FAM162B: variants seen among roughly 807,000 people sequenced by gnomAD.
The protein encoded by FAM162B is protein FAM162B.
In FAM162B, 16 loss-of-function variants were observed where a neutral mutation model predicts 20.0. That is an observed-to-expected ratio of 0.80 (90% CI 0.54 to 1.21). FAM162B has a LOEUF of 1.21. Ranked by LOEUF, FAM162B falls within the 50% of genes most tolerant of loss-of-function variation. FAM162B has a pLI of 0.00. For synonymous variants in FAM162B, 83 were observed against 89.7 expected (o/e 0.93, Z 0.42); for missense variants, 260 against 227.5 (o/e 1.14, Z -0.92).
intron 3 of FAM162B, among the ~76,000 whole-genome samples, chr6:116,755,039 A>G (rs187984814): frequency 6.6e-6 from 1 of 152,266 alleles, no homozygotes; most frequent in African/African-American, 2.4e-5. Flanking sequence ...AGATGCAACA[A>G]TATTGAAATT....
In FAM162B at chr6:116,765,316, C is replaced by A. The variant is rs563044922; in HGVS notation, c.173-61G>T. 1.3e-4 allele frequency: 203 copies of A among 1,573,260 alleles called. 1 individual carries two copies. In the South Asian group the frequency reaches 2.2e-3, roughly 17 times the overall value. On this transcript the variant is annotated intron_variant, in intron 1 of 3. Transcript: ENST00000368557. ...GACGCACCGGCACAGAGGATCAGCG[C>A]GCCCTCAAGCCGACTCCCGGGCCGG...
chr6:116,762,005 C>G lies in FAM162B; in HGVS notation c.362G>C (p.Cys121Ser), dbSNP rs1250416299. ...TTTGGCTGACACTATCACAGCAAAG[C>G]AGGCGATAATTGTGAGTCCAATCAT... ...YIMIGLTIIACFAVIVSAKRA... is the reference protein window; with the variant it reads ...YIMIGLTIIASFAVIVSAKRA... The change falls in exon 3 of 4, where the codon TGC becomes TCC. Residue 121 changes from cysteine (C) to serine (S), a missense_variant. Transcript: ENST00000368557. 5 of 1,602,076 alleles carry G rather than the reference C, an allele frequency of 3.1e-6. No individual in the cohort carries two copies. The South Asian group carries it at 5.6e-5, about 18-fold the overall frequency.
chr6:116,765,328 G>A, intron 1 of FAM162B, 73 bp from the exon 2 acceptor site: 1 of 1,558,066 alleles, frequency 6.4e-7, no homozygotes, highest in Non-Finnish European at 8.7e-7. Flanking sequence ...CCCTCAAGCC[G>A]ACTCCCGGGC....
chr6:116,759,564 C>T (rs1457061330), intron 3 of FAM162B, among the ~76,000 whole-genome samples: 2 of 152,192 alleles, frequency 1.3e-5, no homozygotes, highest in East Asian at 3.9e-4. Context: ...GCCTCGGCCT[C>T]CCAAAGTGCT....
intron 3 of FAM162B, among the ~76,000 whole-genome samples, chr6:116,758,591 A>G (rs1294127699): frequency 6.6e-6 from 1 of 152,120 alleles, no homozygotes; most frequent in East Asian, 1.9e-4. Context: ...AAATTTATCT[A>G]TCTTTTCTGT....
intron 2 of FAM162B, among the ~76,000 whole-genome samples, chr6:116,764,893 G>A (rs74802388): frequency 0.014 from 2,205 of 152,310 alleles, 63 homozygotes; most frequent in African/African-American, 0.05. Flanking sequence ...TCTGGGCGGT[G>A]CTGGAAGTGT....
chr6:116,765,199 G>A lies in FAM162B; in HGVS notation c.229C>T (p.Leu77=), dbSNP rs1031144647. The change falls in exon 2 of 4, where the codon CTG becomes TTG. Residue 77 remains leucine (L), a synonymous_variant. Coordinates refer to ENST00000368557, the MANE Select transcript of FAM162B (RefSeq NM_001085480.3). ...GATTTGAAACGCCCTGTCCACAGCA[G>A]GATTTTCTTGTCGAACTGCGAAGGC... ...RRPSQFDKKI[L]LWTGRFKSME... 4 of 1,613,836 alleles carry A rather than the reference G, an allele frequency of 2.5e-6. No individual in the cohort carries two copies. The African/African-American group carries it at 5.3e-5, about 22-fold the overall frequency.
chr6:116,762,800 A>G (rs1162911556), intron 2 of FAM162B, among the ~76,000 whole-genome samples: 2 of 152,182 alleles, frequency 1.3e-5, no homozygotes, highest in Non-Finnish European at 2.9e-5. Flanking sequence ...TAATAATACT[A>G]CTTACAAAGT....
At position 116,756,640 on chromosome 6, in the gene FAM162B, T is replaced by C. The variant is rs182015423; in HGVS notation, c.391-3945A>G. On this transcript the variant is annotated intron_variant, in intron 3 of 3. Transcript: ENST00000368557. ...TTGCCTGCTACATGGAAATCTTTCA[T>C]GAAAGAAAGAGTCAACTGATATGGC... is the stretch of plus-strand genomic sequence containing the variant. Among the ~76,000 whole-genome samples the C allele has an allele frequency of 1.4e-3, 213 of 152,330 alleles. 1 individual carries two copies. Among genetic ancestry groups the C allele is most frequent in the African/African-American group, 4.5e-3 (189 of 41,576 alleles).
chr6:116,754,537 C>A (rs1447476645), intron 3 of FAM162B, among the ~76,000 whole-genome samples: 1 of 152,114 alleles, frequency 6.6e-6, no homozygotes, highest in African/African-American at 2.4e-5. Context: ...AAATTGCTAA[C>A]ATTTAATAGA....
chr6:116,754,665 C>CA (rs1389095335), intron 3 of FAM162B, among the ~76,000 whole-genome samples: 2 of 150,552 alleles, frequency 1.3e-5, no homozygotes, highest in Non-Finnish European at 3.0e-5. Context: ...TTGTGCTTTG[C>CA]TTTATTGTGA....
At chr6:116,758,292 G>C (rs924386620) in intron 3 of FAM162B, among the ~76,000 whole-genome samples, 1 of 152,178 alleles carries the variant, frequency 6.6e-6, no homozygotes, top group African/African-American at 2.4e-5. Flanking sequence ...GAGGACTGTG[G>C]AGGTGTAAGG....
chr6:116,752,675 G>C lies in FAM162B; in HGVS notation c.411C>G (p.Ser137=). 6.4e-7 allele frequency: 1 copy of C among 1,571,250 alleles called. No individual in the cohort carries two copies. Among genetic ancestry groups the C allele is most frequent in the Non-Finnish European group, 8.6e-7 (1 of 1,157,108 alleles). Residue 137 remains serine (S), a synonymous_variant, in exon 4 of 4, where the codon TCC becomes TCG. Coordinates refer to ENST00000368557, the MANE Select transcript of FAM162B (RefSeq NM_001085480.3). The stretch of plus-strand genomic sequence containing the variant: ...TCTTTGCCAAGTTCCAACTTGTTAA[G>C]GATTCATGTCGTTCTACAGCCTGTG... ...SAKRAVERHE[S]LTSWNLAKKA...
intron 1 of FAM162B, 73 bp downstream of exon 1, chr6:116,765,332 C>T (rs932796665): frequency 6.5e-7 from 1 of 1,546,720 alleles, no homozygotes; most frequent in Non-Finnish European, 8.7e-7. Context: ...CAAGCCGACT[C>T]CCGGGCCGGC....
intron 3 of FAM162B, among the ~76,000 whole-genome samples, chr6:116,758,566 A>T (rs1780079836): frequency 6.6e-6 from 1 of 152,134 alleles, no homozygotes; most frequent in African/African-American, 2.4e-5. Context: ...GCAGAATTTT[A>T]AACTTTATAT....
At chr6:116,764,182 C>T (rs962905870) in intron 2 of FAM162B, among the ~76,000 whole-genome samples, 9 of 152,124 alleles carry the variant, frequency 5.9e-5, no homozygotes, top group African/African-American at 1.9e-4. Context: ...TGGCAGGCAC[C>T]ATGTGAAAAA....
chr6:116,760,655 AG>A (rs1780129706), intron 3 of FAM162B, among the ~76,000 whole-genome samples: 1 of 152,238 alleles, frequency 6.6e-6, no homozygotes, highest in Non-Finnish European at 1.5e-5. Flanking sequence ...ATTTAACGTT[AG>A]GTTAAAAACA....
chr6:116,756,578 A>G (rs1780054536), intron 3 of FAM162B, among the ~76,000 whole-genome samples: 1 of 152,212 alleles, frequency 6.6e-6, no homozygotes, highest in South Asian at 2.1e-4. Context: ...CAATTTTGAA[A>G]GAAGTTCTAC....
intron 3 of FAM162B, among the ~76,000 whole-genome samples, 188 bp from the exon 4 acceptor site, chr6:116,752,883 C>T (rs1420023862): frequency 6.6e-6 from 1 of 151,478 alleles, no homozygotes; most frequent in Non-Finnish European, 1.5e-5. Context: ...GAAGAGAGAA[C>T]AGACTGAATG....
Sources: allele counts gnomAD v4.1 joint callset (sites outside exome capture counted in the v4.1 genomes callset), GRCh38; gene constraint gnomAD v4.1.1; transcripts MANE v1.5; gene names NCBI Gene and HGNC (gene_info 2026-07-23, HGNC 2026-07-21).